GRIK4: variants seen among roughly 807,000 people sequenced by gnomAD.
GRIK4 encodes glutamate ionotropic receptor kainate type subunit 4, also known as glutamate receptor ionotropic, kainate 4.
A neutral mutation model predicts 104.9 loss-of-function variants in GRIK4; 40 were observed. That is an observed-to-expected ratio of 0.38 (90% confidence interval 0.30 to 0.50). GRIK4 has a LOEUF of 0.50. Among genes scored for constraint, GRIK4 ranks in the 20% least tolerant of loss-of-function variants. The probability of loss-of-function intolerance (pLI) is 0.93; values close to 1 mark genes in which losing one functional copy is unlikely to be tolerated. For synonymous variants in GRIK4, 485 were observed against 524.9 expected (o/e 0.92, Z 1.04); for missense variants, 1,047 against 1,308.1 (o/e 0.80, Z 3.08).
At position 120,811,956 on chromosome 11, in the gene GRIK4, A is replaced by G. The variant is rs1273552760; in HGVS notation, c.248-3422A>G. On this transcript the variant is annotated intron_variant, in intron 4 of 20. Coordinates refer to ENST00000527524, the MANE Select transcript of GRIK4 (RefSeq NM_014619.5). ...TGTTCTAAGTATGGAGGACACAGACATAAATAAGACAGGTTCTCTGCCTTG... is the reference window on the plus strand; with the variant it reads ...TGTTCTAAGTATGGAGGACACAGACGTAAATAAGACAGGTTCTCTGCCTTG... 3.3e-5 allele frequency among the ~76,000 whole-genome samples: 5 copies of G among 152,358 alleles called. No homozygotes were observed. The East Asian group carries it at 5.8e-4, about 18-fold the overall frequency.
chr11:120,575,647 T>C (rs573918236), intron 1 of GRIK4, among the ~76,000 whole-genome samples: 1 of 152,034 alleles, frequency 6.6e-6, no homozygotes, highest in African/African-American at 2.4e-5. Flanking sequence ...TGACTCCTGC[T>C]CTTGCCCCAT....
chr11:120,925,991 G>GA (rs963666021), intron 13 of GRIK4, among the ~76,000 whole-genome samples: 99 of 149,860 alleles, frequency 6.6e-4, no homozygotes, highest in African/African-American at 2.3e-3. Flanking sequence ...AAAAAAGAAA[G>GA]AAAAAAAAGA....
intron 11 of GRIK4, among the ~76,000 whole-genome samples, chr11:120,877,361 T>C (rs972576583): frequency 1.3e-4 from 20 of 152,108 alleles, no homozygotes; most frequent in Admixed American, 1.0e-3. Context: ...ACAGAGAGAG[T>C]GCTCATGGTC....
intron 13 of GRIK4, among the ~76,000 whole-genome samples, chr11:120,930,508 G>A (rs374137984): frequency 1.3e-5 from 2 of 152,264 alleles, no homozygotes; most frequent in East Asian, 1.9e-4. Context: ...GAGAAGTTAA[G>A]GTCACGCAGC....
At chr11:120,547,660 GA>G (rs946873502) in intron 1 of GRIK4, among the ~76,000 whole-genome samples, 4 of 151,942 alleles carry the variant, frequency 2.6e-5, no homozygotes, top group African/African-American at 9.7e-5. Context: ...TGGGAAATCA[GA>G]AAATCTTTCT....
chr11:120,836,969 C>A, intron 8 of GRIK4, 125 bp downstream of exon 8: 1 of 644,618 alleles, frequency 1.6e-6, no homozygotes, highest in South Asian at 1.9e-5. Context: ...GAGCAGAAGC[C>A]AACCAGAGAG....
At chr11:120,893,856 A>G (rs1447853399) in intron 11 of GRIK4, among the ~76,000 whole-genome samples, 1 of 152,098 alleles carries the variant, frequency 6.6e-6, no homozygotes, top group Non-Finnish European at 1.5e-5. Context: ...GCACTGAAGC[A>G]CTGTTAATCT....
intron 3 of GRIK4, among the ~76,000 whole-genome samples, chr11:120,691,039 C>A (rs1467600082): frequency 1.3e-5 from 2 of 152,142 alleles, no homozygotes; most frequent in African/African-American, 4.8e-5. Flanking sequence ...CTTTTTAGAA[C>A]AAGAAAGCCA....
chr11:120,702,539 AG>A (rs895865540), intron 3 of GRIK4, among the ~76,000 whole-genome samples: 74 of 152,314 alleles, frequency 4.9e-4, no homozygotes, highest in African/African-American at 1.7e-3. Context: ...GAAGAGGACA[AG>A]GACAGAGCTC....
At chr11:120,638,386 C>T (rs907385107) in intron 1 of GRIK4, among the ~76,000 whole-genome samples, 17 of 152,156 alleles carry the variant, frequency 1.1e-4, no homozygotes, top group African/African-American at 4.1e-4. Flanking sequence ...TGCATGGGAT[C>T]ACACAGCTAG....
At chr11:120,910,959 C>T (rs1442018693) in intron 13 of GRIK4, among the ~76,000 whole-genome samples, 3 of 152,114 alleles carry the variant, frequency 2.0e-5, no homozygotes, top group Non-Finnish European at 2.9e-5. Context: ...GGAGAGAGTA[C>T]GAGAGCCAAG....
At chr11:120,898,493 C>A in intron 11 of GRIK4, 39 bp from the exon 12 acceptor site, 1 of 1,174,022 alleles carries the variant, frequency 8.5e-7, no homozygotes. Flanking sequence ...GCTCTGGAGG[C>A]CACCATTTCT....
chr11:120,666,098 G>A (rs1949910064), intron 3 of GRIK4, among the ~76,000 whole-genome samples: 1 of 152,202 alleles, frequency 6.6e-6, no homozygotes, highest in Admixed American at 6.5e-5. Context: ...TGCCCTTTTG[G>A]TGGTGCCAGG....
At chr11:120,551,081 TG>T (rs1948134843) in intron 1 of GRIK4, among the ~76,000 whole-genome samples, 1 of 151,986 alleles carries the variant, frequency 6.6e-6, no homozygotes, top group Admixed American at 6.5e-5. Flanking sequence ...ACGAGACGAA[TG>T]GTTTGGCCTC....
chr11:120,608,090 C>T (rs531407629), intron 1 of GRIK4, among the ~76,000 whole-genome samples: 14 of 152,226 alleles, frequency 9.2e-5, no homozygotes, highest in Admixed American at 2.0e-4. Context: ...GGCAGCTGTA[C>T]GAGGTTTTTG....
intron 1 of GRIK4, among the ~76,000 whole-genome samples, chr11:120,648,036 G>A (rs974965774): frequency 3.3e-5 from 5 of 152,284 alleles, no homozygotes; most frequent in Admixed American, 2.6e-4. Flanking sequence ...TCTGGCCGCC[G>A]GAGCTGGGTT....
At chr11:120,663,832 T>A (rs903239083) in intron 3 of GRIK4, among the ~76,000 whole-genome samples, 3 of 152,192 alleles carry the variant, frequency 2.0e-5, no homozygotes, top group East Asian at 1.9e-4. Flanking sequence ...TCCTCCTCCA[T>A]CACCATCAGC....
intron 3 of GRIK4, among the ~76,000 whole-genome samples, chr11:120,680,208 G>C (rs1950166767): frequency 6.6e-6 from 1 of 152,168 alleles, no homozygotes; most frequent in Non-Finnish European, 1.5e-5. Context: ...CTCCCAAGTA[G>C]CTGGGACTAC....
chr11:120,630,230 G>A (rs1949317633), intron 1 of GRIK4, among the ~76,000 whole-genome samples: 1 of 152,258 alleles, frequency 6.6e-6, no homozygotes, highest in Non-Finnish European at 1.5e-5. Flanking sequence ...GGGGCAAGCA[G>A]AAGGCCCCAT....
Sources: gnomAD v4.1 joint callset for allele counts (sites outside exome capture counted in the v4.1 genomes callset) on GRCh38, gnomAD v4.1.1 for gene constraint, MANE v1.5 for transcripts, NCBI Gene and HGNC (gene_info 2026-07-23, HGNC 2026-07-21) for gene names.